Variants in MED1 observed in about 807,000 individuals in gnomAD.
The protein encoded by MED1 is mediator complex subunit 1.
MED1 carries 17 observed loss-of-function variants against 121.3 expected under a neutral mutation model. The ratio of observed to expected loss-of-function variants is 0.14; its 90% CI spans 0.10 to 0.21. The LOEUF is 0.21. MED1 is among the 10% of genes least tolerant of loss of function. The pLI is 1.00. For synonymous variants in MED1, 661 were observed against 694.4 expected (o/e 0.95, Z 0.76); for missense variants, 1,558 against 1,919.4 (o/e 0.81, Z 3.52).
At chr17:39,447,436 G>A (rs2048739383) in intron 2 of MED1, among the ~76,000 whole-genome samples, 1 of 150,554 alleles carries the variant, frequency 6.6e-6, no homozygotes, top group Admixed American at 6.6e-5. Flanking sequence ...ACACACAAAA[G>A]TATTAAATAT....
At chr17:39,433,296 G>A (rs1465973463) in intron 7 of MED1, among the ~76,000 whole-genome samples, 1 of 151,754 alleles carries the variant, frequency 6.6e-6, no homozygotes, top group African/African-American at 2.4e-5. Context: ...TTGAACCCGG[G>A]AGGTGGAGGC....
intron 1 of MED1, among the ~76,000 whole-genome samples, chr17:39,449,744 A>G (rs1241525217): frequency 6.7e-6 from 1 of 149,270 alleles, no homozygotes; most frequent in African/African-American, 2.5e-5. Context: ...TCCTAACCTC[A>G]GGTGATCCGC....
chr17:39,451,001 T>C, intron 1 of MED1, 37 bp downstream of exon 1: 1 of 1,595,708 alleles, frequency 6.3e-7, no homozygotes, highest in Non-Finnish European at 8.6e-7. Context: ...CTCCCCCAGT[T>C]GTGTCCCGCC....
chr17:39,405,163 G>A lies in MED1; in HGVS notation c.*2312C>T, dbSNP rs2048293221. On this transcript the variant is annotated 3_prime_UTR_variant, in exon 17 of 17. Transcript: ENST00000300651. ...CTCCTCCACCCTGTGGAGAAATGCA[G>A]TGCTCCCTGGTTCTCAGGCAGGGTG... 1.3e-6 allele frequency: 2 copies of A among 1,500,616 alleles called. No homozygotes were observed. Among genetic ancestry groups the A allele is most frequent in the Non-Finnish European group, 1.8e-6 (2 of 1,116,070 alleles). 93.0% of individuals were successfully genotyped at this position (1,500,616 alleles called of 1,614,324 possible).
rs771637054 is a variant in MED1 at position 39,410,010 on chromosome 17, G to A, written c.2211C>T (p.His737=). ...TACACTGGCTTGGAGCTGGAGTGAT[G>A]TGTGGCGTATCCAGCGTGTCAGCTG... is the stretch of plus-strand genomic sequence containing the variant. The part of the protein sequence containing the change: ...NMTADTLDTP[H]ITPAPSQCST... The change falls in exon 17 of 17, where the codon CAC becomes CAT. Residue 737 remains histidine, a synonymous_variant. Coordinates refer to ENST00000300651, the MANE Select transcript of MED1 (RefSeq NM_004774.4). 6.2e-7 allele frequency: 1 copy of A among 1,614,170 alleles called. No homozygotes were observed. Among genetic ancestry groups the A allele is most frequent in the Non-Finnish European group, 8.5e-7 (1 of 1,180,028 alleles).
chr17:39,413,340 G>A (rs1336170305), intron 16 of MED1, among the ~76,000 whole-genome samples: 2 of 152,144 alleles, frequency 1.3e-5, no homozygotes, highest in African/African-American at 4.8e-5. Context: ...TTGGCTCACC[G>A]CAACCTCCGA....
rs142630187 is a variant in MED1, at chr17:39,408,696, T to C, written c.3525A>G (p.Gln1175=). The C allele has an allele frequency of 2.8e-5, 45 of 1,614,234 alleles. No homozygotes were observed. In the African/African-American group the frequency reaches 5.9e-4, roughly 21 times the overall value. ...SGSSSTKMKP[Q]GKPSSLMNPS... is the part of the protein sequence containing the mutation. ...GATTCATAAGTGATGATGGCTTTCC[T>C]TGAGGTTTCATCTTGGTGCTGCTAG... Residue 1175 remains glutamine (Q), a synonymous_variant, in exon 17 of 17, where the codon CAA becomes CAG. Coordinates refer to ENST00000300651, the MANE Select transcript of MED1 (RefSeq NM_004774.4). This position sits in a 1 kb window ranked among gnomAD's most constrained non-coding sequence, Gnocchi z 4.7.
chr17:39,428,036 G>C (rs914358722), intron 9 of MED1, among the ~76,000 whole-genome samples: 1 of 152,028 alleles, frequency 6.6e-6, no homozygotes, highest in Non-Finnish European at 1.5e-5. Flanking sequence ...GGTCAACACA[G>C]TCAGACTCCA....
Position 39,409,348 on chromosome 17 carries a change from A to C in MED1, c.2873T>G (p.Leu958Arg), listed in dbSNP as rs747404472. The change falls in exon 17 of 17, where the codon CTG becomes CGG. Residue 958 changes from leucine to arginine, a missense_variant. This residue lies in a region of MED1 where 793 missense variants were observed against 898.2 expected (regional missense o/e 0.88). Coordinates refer to ENST00000300651, the MANE Select transcript of MED1 (RefSeq NM_004774.4). ...EHHSGSQGPL[L>R]TTGDLGKEKT... ...TTCTTTCCCTAAGTCCCCAGTGGTC[A>C]GTAAAGGACCCTGACTACCACTGTG... 5.0e-6 allele frequency: 8 copies of C among 1,613,942 alleles called. No homozygotes were observed. The highest frequency in any genetic ancestry group is 6.8e-6 in the Non-Finnish European group (8 of 1,180,022).
chr17:39,446,734 A>T (rs1393798977), intron 2 of MED1, among the ~76,000 whole-genome samples: 1 of 151,262 alleles, frequency 6.6e-6, no homozygotes, highest in African/African-American at 2.4e-5. Context: ...AGATCGCACC[A>T]TTGCACTCCA....
At position 39,408,504 on chromosome 17, in the gene MED1, T is replaced by G; in HGVS notation, c.3717A>C (p.Ser1239=). The G allele has an allele frequency of 6.2e-7, 1 of 1,614,212 alleles. No individual in the cohort carries two copies. Among genetic ancestry groups the G allele is most frequent in the South Asian group, 1.1e-5 (1 of 91,082 alleles). The change falls in exon 17 of 17, where the codon TCA becomes TCC. Residue 1239 remains serine, a synonymous_variant. Coordinates refer to ENST00000300651, the MANE Select transcript of MED1 (RefSeq NM_004774.4). This position sits in a 1 kb window ranked among gnomAD's most constrained non-coding sequence, Gnocchi z 4.7. ...SGGSHMSGTS[S]SSGMKSSSGL... is the part of the protein sequence containing the mutation. ...CTGAAGATGACTTCATGCCAGAGCT[T>G]GAACTAGTTCCAGACATATGAGAAC...
In MED1 at chr17:39,407,674, C is replaced by T. The variant is rs1274447322; in HGVS notation, c.4547G>A (p.Arg1516Gln). The T allele has an allele frequency of 3.7e-6, 6 of 1,613,954 alleles. No individual in the cohort carries two copies. Among genetic ancestry groups the T allele is most frequent in the East Asian group, 2.2e-5 (1 of 44,880 alleles). The change falls in exon 17 of 17, where the codon CGG becomes CAG. Residue 1516 changes from arginine to glutamine, a missense_variant. By Grantham distance (43) the Arg-to-Gln change is conservative. Coordinates refer to ENST00000300651, the MANE Select transcript of MED1 (RefSeq NM_004774.4). ...TTTTTTCTTGTCTCGGTCTTTGTCC[C>T]GGTCTCGGTCCCTATCTTTGTCTTT... ...KVKDKDRDRD[R>Q]DKDRDKKKSH...
chr17:39,442,860 C>A (rs1691914397), intron 3 of MED1, among the ~76,000 whole-genome samples: 1 of 142,190 alleles, frequency 7.0e-6, no homozygotes, highest in African/African-American at 2.7e-5. Flanking sequence ...AGCCGAGATT[C>A]CACCACTGCA....
intron 16 of MED1, among the ~76,000 whole-genome samples, chr17:39,413,912 T>TAAA (rs66489961): frequency 3.2e-3 from 220 of 69,584 alleles, no homozygotes; most frequent in Non-Finnish European, 3.9e-3. Context: ...GTAATATCAT[T>TAAA]AAAAAAAAAA....
intron 1 of MED1, among the ~76,000 whole-genome samples, chr17:39,450,168 G>A (rs1380404988): frequency 6.6e-6 from 1 of 151,110 alleles, no homozygotes; most frequent in Non-Finnish European, 1.5e-5. Flanking sequence ...CAGGCTGGTC[G>A]CGAACTCCTG....
chr17:39,433,294 G>A (rs539870544), intron 7 of MED1, among the ~76,000 whole-genome samples: 162 of 151,712 alleles, frequency 1.1e-3, no homozygotes, highest in Non-Finnish European at 2.2e-3. Flanking sequence ...GCTTGAACCC[G>A]GGAGGTGGAG....
Position 39,406,822 on chromosome 17 carries a change from A to C in MED1, c.*653T>G. The C allele has an allele frequency of 1.0e-6, 1 of 985,534 alleles. No homozygotes were observed. Among genetic ancestry groups the C allele is most frequent in the Non-Finnish European group, 1.2e-6 (1 of 829,938 alleles). 61.0% of individuals were successfully genotyped at this position (985,534 alleles called of 1,614,324 possible). A position where few individuals can be genotyped will look rare whatever the true frequency, so the allele number is the denominator to read the frequency against. On this transcript the variant is annotated 3_prime_UTR_variant, in exon 17 of 17. Coordinates refer to ENST00000300651, the MANE Select transcript of MED1 (RefSeq NM_004774.4). The stretch of plus-strand genomic sequence containing the variant: ...TCGGCCTTCCATCATTTTGAACCCT[A>C]AACCTCATAGATTTAGAACGAAACA...
rs1567638030 is a variant in MED1, at chr17:39,408,864, T to C, written c.3357A>G (p.Ser1119=). 10 of 1,614,152 alleles carry C rather than the reference T, an allele frequency of 6.2e-6. No individual in the cohort carries two copies. Among genetic ancestry groups the C allele is most frequent in the Non-Finnish European group, 7.6e-6 (9 of 1,180,044 alleles). Residue 1119 remains serine, a synonymous_variant, in exon 17 of 17, where the codon TCA becomes TCG. Transcript: ENST00000300651. The surrounding 1 kb of genome is among the most constrained non-coding windows in gnomAD (Gnocchi z 4.7). The part of the protein sequence containing the change: ...STSGKMKSSK[S]EGSSSSKLSS... ...TTAACTTGGAACTTGATGAACCTTC[T>C]GATTTACTGCTTTTCATCTTCCCTG...
At chr17:39,434,373 A>G in intron 6 of MED1, 53 bp from the exon 7 acceptor site, 1 of 926,008 alleles carries the variant, frequency 1.1e-6, no homozygotes, top group Non-Finnish European at 1.6e-6. Flanking sequence ...ACATAAAATT[A>G]CTACTCAATC....
Sources: allele counts gnomAD v4.1 joint callset (sites outside exome capture counted in the v4.1 genomes callset), GRCh38; gene constraint gnomAD v4.1.1; regional missense constraint gnomAD v4.1.1; non-coding constraint Gnocchi (gnomAD v3.1); transcripts MANE v1.5; gene names NCBI Gene and HGNC (gene_info 2026-07-23, HGNC 2026-07-21).